Variants in TNNI3K observed in about 807,000 individuals in gnomAD.
The protein encoded by TNNI3K is TNNI3 interacting kinase.
A neutral mutation model predicts 114.5 loss-of-function variants in TNNI3K; 140 were observed. The ratio of observed to expected loss-of-function variants is 1.22; its 90% CI spans 1.07 to 1.41. TNNI3K has a LOEUF of 1.41. Among genes scored for constraint, TNNI3K ranks in the 40% most tolerant of loss-of-function variants. The pLI is 0.00. For missense variants in TNNI3K, 1,125 were observed against 1,007.6 expected, an observed-to-expected ratio of 1.12 and a Z score of -1.58; for synonymous variants, 347 against 347.5, an observed-to-expected ratio of 1.00 and a Z score of 0.02.
chr1:74,431,093 TTA>T (rs1247024860), intron 17 of TNNI3K, among the ~76,000 whole-genome samples: 2 of 152,174 alleles, frequency 1.3e-5, no homozygotes, highest in African/African-American at 4.8e-5. Flanking sequence ...TAGCTAATAC[TTA>T]TTTAGCAGTT....
intron 4 of TNNI3K, among the ~76,000 whole-genome samples, chr1:74,255,975 G>C (rs1204163772): frequency 5.9e-5 from 9 of 152,212 alleles, no homozygotes; most frequent in Admixed American, 4.6e-4. Flanking sequence ...TTGTAGAATT[G>C]TATTCCCTTA....
chr1:74,256,312 T>C (rs1655302291), intron 4 of TNNI3K, among the ~76,000 whole-genome samples: 1 of 139,300 alleles, frequency 7.2e-6, no homozygotes, highest in African/African-American at 2.7e-5. Flanking sequence ...TTTTTTTTTT[T>C]TTTTGGCTAT....
intron 7 of TNNI3K, chr1:74,341,893 T>C (rs773802436): frequency 3.3e-5 from 5 of 152,192 alleles, no homozygotes; most frequent in Admixed American, 3.3e-4. Context: ...CCAAGATAGA[T>C]TAGGCCCTGC....
At chr1:74,428,328 A>G (rs1292259338) in intron 17 of TNNI3K, among the ~76,000 whole-genome samples, 1 of 152,100 alleles carries the variant, frequency 6.6e-6, no homozygotes, top group Non-Finnish European at 1.5e-5. Context: ...TACCTCCTCT[A>G]CAGAACCAAG....
chr1:74,486,644 A>G (rs1038300310), intron 21 of TNNI3K, among the ~76,000 whole-genome samples: 2 of 151,810 alleles, frequency 1.3e-5, no homozygotes, highest in African/African-American at 4.8e-5. Flanking sequence ...ATAATCTGGA[A>G]GTTGTTTTTT....
chr1:74,511,050 G>T (rs1280193761), intron 23 of TNNI3K, among the ~76,000 whole-genome samples: 2 of 152,112 alleles, frequency 1.3e-5, no homozygotes, highest in African/African-American at 4.8e-5. Context: ...ACCATGCCCA[G>T]CTAATGTTTG....
At chr1:74,514,517 A>G (rs571473710) in intron 23 of TNNI3K, among the ~76,000 whole-genome samples, 1 of 152,264 alleles carries the variant, frequency 6.6e-6, no homozygotes, top group Admixed American at 6.5e-5. Context: ...TTTATTGAGA[A>G]CCTACTATGT....
intron 23 of TNNI3K, among the ~76,000 whole-genome samples, chr1:74,510,050 G>A (rs11210467): frequency 0.49 from 73,962 of 151,898 alleles, 18,333 homozygotes; most frequent in African/African-American, 0.58. Context: ...CAATGTCACA[G>A]ATTTTCTATT....
chr1:74,431,812 A>G (rs1665913023), intron 17 of TNNI3K, among the ~76,000 whole-genome samples: 1 of 152,160 alleles, frequency 6.6e-6, no homozygotes, highest in African/African-American at 2.4e-5. Context: ...TTCTGAACTT[A>G]AGCCTCACTT....
chr1:74,289,486 G>GGATTACAGTCCTGTGCTATA (rs369263112), intron 5 of TNNI3K, among the ~76,000 whole-genome samples: 1 of 2,680 alleles, frequency 3.7e-4, no homozygotes, highest in Non-Finnish European at 1.1e-3. Context: ...CATAGGTAGT[G>GGATTACAGTCCTGTGCTATA]TCATTAGTCT....
At chr1:74,541,082 C>A (rs763145839) in intron 24 of TNNI3K, among the ~76,000 whole-genome samples, 2 of 152,114 alleles carry the variant, frequency 1.3e-5, no homozygotes, top group South Asian at 2.1e-4. Context: ...TCCATTGCAA[C>A]TTCCTTTGAC....
intron 21 of TNNI3K, among the ~76,000 whole-genome samples, chr1:74,487,080 G>T (rs1668805097): frequency 6.6e-6 from 1 of 152,168 alleles, no homozygotes; most frequent in South Asian, 2.1e-4. Context: ...AAAGTAAACA[G>T]CAATGGAACA....
At chr1:74,429,486 G>A (rs1466211771) in intron 17 of TNNI3K, among the ~76,000 whole-genome samples, 1 of 152,096 alleles carries the variant, frequency 6.6e-6, no homozygotes, top group African/African-American at 2.4e-5. Context: ...GTATCCCATT[G>A]AGTTTGGCAG....
chr1:74,427,416 T>A (rs1399019351), intron 17 of TNNI3K, among the ~76,000 whole-genome samples: 3 of 151,886 alleles, frequency 2.0e-5, no homozygotes, highest in Non-Finnish European at 4.4e-5. Flanking sequence ...TCTCTAAGGT[T>A]TTGACTATAT....
chr1:74,516,046 T>G (rs1483782916), intron 23 of TNNI3K, among the ~76,000 whole-genome samples: 1 of 152,174 alleles, frequency 6.6e-6, no homozygotes, highest in African/African-American at 2.4e-5. Flanking sequence ...GAAAGGACAA[T>G]CAACTTACTG....
At chr1:74,333,435 T>C (rs569659324) in intron 6 of TNNI3K, among the ~76,000 whole-genome samples, 2 of 152,328 alleles carry the variant, frequency 1.3e-5, no homozygotes, top group South Asian at 4.1e-4. Flanking sequence ...TGCATATTAT[T>C]TGTAGAGTCA....
chr1:74,436,347 C>A, intron 18 of TNNI3K, 127 bp from the exon 19 acceptor site: 1 of 1,237,088 alleles, frequency 8.1e-7, no homozygotes, highest in Non-Finnish European at 1.1e-6. Flanking sequence ...TTATCTCCAG[C>A]CAAGAGAAGG....
intron 4 of TNNI3K, among the ~76,000 whole-genome samples, chr1:74,264,029 G>T (rs1332770375): frequency 2.6e-5 from 4 of 151,732 alleles, no homozygotes; most frequent in Non-Finnish European, 1.5e-5. Flanking sequence ...AAGGCCAATT[G>T]GAGGCAGCCT....
chr1:74,544,158 T>A lies in TNNI3K; in HGVS notation c.*176T>A. The A allele has an allele frequency of 1.7e-6, 1 of 584,862 alleles. No homozygotes were observed. The allele number at this position is 584,862 out of a possible 1,614,324, so 36.2% of individuals were successfully genotyped here. ...TATTAGCAGGCTTTGGATTTGTGCCTAAGGAATAATATGCAAAAGAACCAA... is the reference window on the plus strand; with the variant it reads ...TATTAGCAGGCTTTGGATTTGTGCCAAAGGAATAATATGCAAAAGAACCAA... On this transcript the variant is annotated 3_prime_UTR_variant, in exon 25 of 25. Transcript: ENST00000326637.
Sources: gnomAD v4.1 joint callset for allele counts (sites outside exome capture counted in the v4.1 genomes callset) on GRCh38, gnomAD v4.1.1 for gene constraint, MANE v1.5 for transcripts, NCBI Gene and HGNC (gene_info 2026-07-23, HGNC 2026-07-21) for gene names.